The following UNC13C variants were observed in gnomAD, a reference collection of about 807,000 sequenced individuals.
UNC13C encodes protein unc-13 homolog C.
A neutral mutation model predicts 245.4 loss-of-function variants in UNC13C; 174 were observed. The observed-to-expected ratio is 0.71, with a 90% CI of 0.63 to 0.80. UNC13C has a LOEUF of 0.80. Among genes scored for constraint, UNC13C ranks in the 30% least tolerant of loss-of-function variants. The pLI, the probability that UNC13C is intolerant of heterozygous loss-of-function variation, is 0.00. For missense variants in UNC13C, 2,829 were observed against 2,602.9 expected (o/e 1.09, Z -1.89); for synonymous variants, 992 against 895.1 (o/e 1.11, Z -1.93).
At chr15:54,463,256 G>C (rs1370179814) in intron 19 of UNC13C, among the ~76,000 whole-genome samples, 2 of 64,814 alleles carry the variant, frequency 3.1e-5, no homozygotes, top group African/African-American at 9.5e-5. Context: ...CCAATCAGTA[G>C]AATGTGGGCG....
chr15:53,866,816 A>C, the UNC13C span, among the ~76,000 whole-genome samples: 7 of 152,252 alleles, frequency 4.6e-5, no homozygotes, highest in African/African-American at 1.7e-4. Flanking sequence ...GCACTAAAAA[A>C]TAAATTTACA....
intron 18 of UNC13C, among the ~76,000 whole-genome samples, chr15:54,397,729 A>G (rs950277544): frequency 6.6e-6 from 1 of 151,298 alleles, no homozygotes; most frequent in Admixed American, 6.6e-5. Context: ...ATTCTTTGTT[A>G]ATTGGTTTCT....
chr15:54,335,527 A>G (rs1306268174), intron 16 of UNC13C, among the ~76,000 whole-genome samples: 2 of 152,128 alleles, frequency 1.3e-5, no homozygotes, highest in Admixed American at 6.6e-5. Context: ...TGAGCCTACA[A>G]AATTCCCTTG....
In UNC13C at chr15:54,507,120, A is replaced by T; in HGVS notation, c.5305A>T (p.Ile1769Phe). The T allele has an allele frequency of 6.3e-7, 1 of 1,592,354 alleles. No homozygotes were observed. Among genetic ancestry groups the T allele is most frequent in the Non-Finnish European group, 8.6e-7 (1 of 1,167,442 alleles). The change falls in exon 23 of 33, where the codon ATC (isoleucine) becomes TTC (phenylalanine). Residue 1769 changes from isoleucine (I) to phenylalanine (F), a missense_variant. Coordinates refer to ENST00000260323, the MANE Select transcript of UNC13C (RefSeq NM_001080534.3). ...TTCACAATGTTTTCTTTCTTAGACT[A>T]TCAATAAAGTGCTGCTCCAGTATGC... ...SHLMRRFAKT[I>F]NKVLLQYAAI...
chr15:54,537,516 G>A (rs117611524), intron 26 of UNC13C, among the ~76,000 whole-genome samples: 7,955 of 151,884 alleles, frequency 0.052, 351 homozygotes, highest in Admixed American at 0.13. Context: ...AAAAGAGTCT[G>A]AATAGTCAAA....
At chr15:53,891,360 CTG>C in the UNC13C span, among the ~76,000 whole-genome samples, 1 of 152,124 alleles carries the variant, frequency 6.6e-6, no homozygotes, top group East Asian at 1.9e-4. Context: ...GTGGAGAGTT[CTG>C]TGCATATCTA....
chr15:54,556,699 C>A (rs1364191648), intron 29 of UNC13C, among the ~76,000 whole-genome samples: 1 of 151,720 alleles, frequency 6.6e-6, no homozygotes, highest in Non-Finnish European at 1.5e-5. Context: ...AATAACTAAT[C>A]TTTGGAGTTA....
At chr15:54,395,586 GT>G (rs1450521777) in intron 18 of UNC13C, among the ~76,000 whole-genome samples, 3 of 151,842 alleles carry the variant, frequency 2.0e-5, no homozygotes, top group Non-Finnish European at 2.9e-5. Context: ...AGTAGCTTGG[GT>G]TTTGTTTTAG....
chr15:54,572,602 T>C (rs923703409), intron 30 of UNC13C, among the ~76,000 whole-genome samples: 4 of 151,944 alleles, frequency 2.6e-5, no homozygotes, highest in Non-Finnish European at 5.9e-5. Flanking sequence ...TTTTGTATTT[T>C]TTTTAGTAGA....
At chr15:54,052,826 A>G (rs1227251229) in intron 2 of UNC13C, among the ~76,000 whole-genome samples, 2 of 152,264 alleles carry the variant, frequency 1.3e-5, no homozygotes, top group East Asian at 3.9e-4. Flanking sequence ...ATAGTTGTTA[A>G]TTTGATTTTA....
chr15:54,075,339 G>T (rs1428445860), intron 2 of UNC13C, among the ~76,000 whole-genome samples: 1 of 151,896 alleles, frequency 6.6e-6, no homozygotes, highest in Non-Finnish European at 1.5e-5. Flanking sequence ...CAAAAAATTA[G>T]CCAGGCCTGG....
intron 2 of UNC13C, among the ~76,000 whole-genome samples, chr15:54,035,031 G>A (rs1285945285): frequency 6.6e-6 from 1 of 151,888 alleles, no homozygotes; most frequent in African/African-American, 2.4e-5. Context: ...AGGATGATTT[G>A]GCAATATTTA....
intron 2 of UNC13C, among the ~76,000 whole-genome samples, chr15:54,101,000 A>G (rs1900133984): frequency 6.6e-6 from 1 of 152,204 alleles, no homozygotes; most frequent in Non-Finnish European, 1.5e-5. Flanking sequence ...CATCCAGATC[A>G]ATACCTGTTG....
chr15:53,894,368 A>G, the UNC13C span, among the ~76,000 whole-genome samples: 5,747 of 152,344 alleles, frequency 0.038, 149 homozygotes, highest in Middle Eastern at 0.071. Flanking sequence ...TTACCTAAAT[A>G]TTCTTATAGT....
At chr15:54,457,475 T>C (rs1443086410) in intron 19 of UNC13C, among the ~76,000 whole-genome samples, 2 of 152,164 alleles carry the variant, frequency 1.3e-5, no homozygotes, top group Non-Finnish European at 2.9e-5. Flanking sequence ...TTTGAATGTC[T>C]TATAGAATTC....
At chr15:54,570,253 C>T (rs1344367041) in intron 30 of UNC13C, among the ~76,000 whole-genome samples, 2 of 152,190 alleles carry the variant, frequency 1.3e-5, no homozygotes, top group Admixed American at 6.5e-5. Context: ...ATTCTTGCTA[C>T]TTGAAAATCC....
rs567052886 is a variant in UNC13C at position 54,035,071 on chromosome 15, G to T, written c.2983+19185G>T. ...AGTTTTAACATACCCTTCTTCCATTGTTTTTTTTTATGAATGACTCTTCAG... is the reference window on the plus strand; with the variant it reads ...AGTTTTAACATACCCTTCTTCCATTTTTTTTTTTTATGAATGACTCTTCAG... On this transcript the variant is annotated intron_variant, in intron 2 of 32. Coordinates refer to ENST00000260323, the MANE Select transcript of UNC13C (RefSeq NM_001080534.3). Among the ~76,000 whole-genome samples, 21 of 150,670 alleles carry T rather than the reference G, an allele frequency of 1.4e-4. No homozygotes were observed. The South Asian group carries it at 3.6e-3, about 26-fold the overall frequency.
chr15:54,312,039 T>C (rs1474328184), intron 13 of UNC13C, among the ~76,000 whole-genome samples: 1 of 151,778 alleles, frequency 6.6e-6, no homozygotes, highest in Non-Finnish European at 1.5e-5. Context: ...TTTTTCTGGT[T>C]AGGGTAATAA....
intron 20 of UNC13C, among the ~76,000 whole-genome samples, 186 bp downstream of exon 20, chr15:54,494,920 C>T (rs949749477): frequency 2.6e-5 from 4 of 151,932 alleles, no homozygotes; most frequent in African/African-American, 9.7e-5. Flanking sequence ...AATTGTGTTG[C>T]ATATTTCAAA....
Sources: allele counts gnomAD v4.1 joint callset (sites outside exome capture counted in the v4.1 genomes callset), GRCh38; gene constraint gnomAD v4.1.1; transcripts MANE v1.5; gene names NCBI Gene and HGNC (gene_info 2026-07-23, HGNC 2026-07-21).